ALG11: variants seen among roughly 807,000 people sequenced by gnomAD.
The protein encoded by ALG11 is ALG11 alpha-1,2-mannosyltransferase.
In ALG11, 26 loss-of-function variants were observed where a neutral mutation model predicts 38.8. The ratio of observed to expected loss-of-function variants is 0.67; its 90% CI spans 0.49 to 0.93. ALG11 has a LOEUF of 0.93. ALG11 is among the 40% of genes least tolerant of loss of function. The pLI is 0.00. For missense variants in ALG11, 535 were observed against 578.8 expected, an observed-to-expected ratio of 0.92 and a Z score of 0.78; for synonymous variants, 199 against 211.6, an observed-to-expected ratio of 0.94 and a Z score of 0.52.
intron 1 of ALG11, among the ~76,000 whole-genome samples, chr13:52,017,989 T>A (rs1699750502): frequency 6.6e-6 from 1 of 152,208 alleles, no homozygotes; most frequent in African/African-American, 2.4e-5. Context: ...CCTCCTCAAA[T>A]CCTTTATAAA....
At chr13:52,026,373 T>C (rs1468205291) in intron 3 of ALG11, among the ~76,000 whole-genome samples, 1 of 151,964 alleles carries the variant, frequency 6.6e-6, no homozygotes. Context: ...TGGAAAAAAA[T>C]AGCAGGATTT....
chr13:52,031,305 C>A lies in ALG11; in HGVS notation c.*2715C>A, dbSNP rs1197139640. ...TCAGACATTAGAACACAGAAAAATTCTAGTACATTTAAATTCTAAACAATA... is the reference window on the plus strand; with the variant it reads ...TCAGACATTAGAACACAGAAAAATTATAGTACATTTAAATTCTAAACAATA... On this transcript the variant is annotated 3_prime_UTR_variant, in exon 4 of 4. Transcript: ENST00000521508. 2.6e-6 allele frequency: 2 copies of A among 770,294 alleles called. No homozygotes were observed. The highest frequency in any genetic ancestry group is 4.0e-6 in the Non-Finnish European group (2 of 497,926). The allele number at this position is 770,294 out of a possible 1,614,324, so 47.7% of individuals were successfully genotyped here.
chr13:52,029,795 G>T lies in ALG11; in HGVS notation c.*1205G>T. On this transcript the variant is annotated 3_prime_UTR_variant, in exon 4 of 4. Coordinates refer to ENST00000521508, the MANE Select transcript of ALG11 (RefSeq NM_001004127.3). Reference sequence around the variant, plus strand: ...GCAGGAACAGTTGGCCAAGAACAAAGAACTGACACAGAAACTCCAGGTAGC... The same window carrying T: ...GCAGGAACAGTTGGCCAAGAACAAATAACTGACACAGAAACTCCAGGTAGC... The T allele has an allele frequency of 6.2e-7, 1 of 1,614,206 alleles. No homozygotes were observed. Among genetic ancestry groups the T allele is most frequent in the South Asian group, 1.1e-5 (1 of 91,088 alleles).
At position 52,019,062 on chromosome 13, in the gene ALG11, T is replaced by G. The variant is rs369089885; in HGVS notation, c.194T>G (p.Ile65Ser). 6.2e-7 allele frequency: 1 copy of G among 1,614,072 alleles called. No homozygotes were observed. The highest frequency in any genetic ancestry group is 8.5e-7 in the Non-Finnish European group (1 of 1,180,018). Reference sequence around the variant, plus strand: ...AAAAATGGGAAAAATCAAATGGTGATTGCATTTTTTCATCCATACTGCAAT... The same window carrying G: ...AAAAATGGGAAAAATCAAATGGTGAGTGCATTTTTTCATCCATACTGCAAT... ...TSKNGKNQMVIAFFHPYCNAG... is the reference protein window; with the variant it reads ...TSKNGKNQMVSAFFHPYCNAG... Residue 65 changes from isoleucine (I) to serine (S), a missense_variant, in exon 2 of 4, where the codon ATT becomes AGT. Ile to Ser is a moderately radical substitution (Grantham distance 142). Transcript: ENST00000521508.
chr13:52,024,978 T>A, intron 3 of ALG11, 41 bp downstream of exon 3: 1 of 1,564,686 alleles, frequency 6.4e-7, no homozygotes, highest in Non-Finnish European at 8.7e-7. Flanking sequence ...TGCCATGAGA[T>A]ACACATTTTA....
chr13:52,027,977 G>T (rs1954257865), intron 3 of ALG11, among the ~76,000 whole-genome samples: 1 of 151,942 alleles, frequency 6.6e-6, no homozygotes, highest in Admixed American at 6.6e-5. Flanking sequence ...AAAGCAGCAG[G>T]CTGGGTGTGG....
In ALG11 at chr13:52,030,999, A is replaced by T; in HGVS notation, c.*2409A>T. The T allele has an allele frequency of 3.1e-6, 5 of 1,614,160 alleles. No individual in the cohort carries two copies. The highest frequency in any genetic ancestry group is 2.5e-6 in the Non-Finnish European group (3 of 1,180,026). Reference sequence around the variant, plus strand: ...CCAGGCCATATCATTAAGCCCATAAAAGCAGAGGATGTGGGCTACCAGTCT... The same window carrying T: ...CCAGGCCATATCATTAAGCCCATAATAGCAGAGGATGTGGGCTACCAGTCT... On this transcript the variant is annotated 3_prime_UTR_variant, in exon 4 of 4. Coordinates refer to ENST00000521508, the MANE Select transcript of ALG11 (RefSeq NM_001004127.3).
At position 52,024,053 on chromosome 13, in the gene ALG11, A is replaced by G. The variant is rs17480245; in HGVS notation, c.323A>G (p.Asn108Ser). Residue 108 changes from asparagine (N) to serine (S), a missense_variant, in exon 3 of 4, where the codon AAC (asparagine) becomes AGC (serine). Physicochemically the swap from Asn to Ser is conservative, Grantham distance 46 (BLOSUM62 1). Coordinates refer to ENST00000521508, the MANE Select transcript of ALG11 (RefSeq NM_001004127.3). ...YVVYTGDVNV[N>S]GQQILEGAFR... Reference sequence around the variant, plus strand: ...GTTTATACCGGCGATGTTAATGTCAACGGTCAACAGATACTAGAAGGTGCT... The same window carrying G: ...GTTTATACCGGCGATGTTAATGTCAGCGGTCAACAGATACTAGAAGGTGCT... The G allele has an allele frequency of 0.014, 23,256 of 1,614,094 alleles. 673 individuals carry two copies. The highest frequency in any genetic ancestry group is 0.12 in the Admixed American group (7,138 of 60,004).
At chr13:52,022,652 A>C (rs1030683224) in intron 2 of ALG11, 2 of 151,062 alleles carry the variant, frequency 1.3e-5, no homozygotes, top group African/African-American at 2.4e-5. Context: ...TCTCATCTCC[A>C]TACCCCCAAA....
rs764290957 is a variant in ALG11 at position 52,028,603 on chromosome 13, A to G, written c.*13A>G. 1.9e-6 allele frequency: 3 copies of G among 1,609,632 alleles called. No individual in the cohort carries two copies. In the Admixed American group the frequency reaches 5.0e-5, roughly 27 times the overall value. On this transcript the variant is annotated 3_prime_UTR_variant, in exon 4 of 4. Coordinates refer to ENST00000521508, the MANE Select transcript of ALG11 (RefSeq NM_001004127.3). ...GTTATTTAAGTAATGCCATATCTGTAAAATTAAAGATATTTTATATAAACT... is the reference window on the plus strand; with the variant it reads ...GTTATTTAAGTAATGCCATATCTGTGAAATTAAAGATATTTTATATAAACT...
At position 52,032,992 on chromosome 13, in the gene ALG11, G is replaced by A. The variant is rs1954319911; in HGVS notation, c.*4402G>A. 1 of 166,982 alleles carries A rather than the reference G, an allele frequency of 6.0e-6. No individual in the cohort carries two copies. The highest frequency in any genetic ancestry group is 2.4e-5 in the African/African-American group (1 of 41,404). 10.3% of individuals were successfully genotyped at this position (166,982 alleles called of 1,614,324 possible). A position where few individuals can be genotyped will look rare whatever the true frequency, so the allele number is the denominator to read the frequency against. ...TCCACTCAATTGCCTTATTCCTGAG[G>A]ATGTAGTGAAGGAAGAAAAAGTTTT... On this transcript the variant is annotated 3_prime_UTR_variant, in exon 4 of 4. Coordinates refer to ENST00000521508, the MANE Select transcript of ALG11 (RefSeq NM_001004127.3).
Position 52,029,047 on chromosome 13 carries a change from A to C in ALG11, c.*457A>C. The C allele has an allele frequency of 6.2e-7, 1 of 1,614,264 alleles. No individual in the cohort carries two copies. Among genetic ancestry groups the C allele is most frequent in the Non-Finnish European group, 8.5e-7 (1 of 1,180,046 alleles). ...TCAGTGTCAGTTCTGAAGGATCAGG[A>C]GAAAAGCTGGGCCTTGCAGATCTGC... On this transcript the variant is annotated 3_prime_UTR_variant, in exon 4 of 4. Transcript: ENST00000521508.
At chr13:52,019,433 G>A (rs1050845380) in intron 2 of ALG11, among the ~76,000 whole-genome samples, 1 of 151,980 alleles carries the variant, frequency 6.6e-6, no homozygotes, top group African/African-American at 2.4e-5. Context: ...ATGTTAGCCA[G>A]GATGGTCTCG....
At chr13:52,019,676 C>G (rs1593900337) in intron 2 of ALG11, among the ~76,000 whole-genome samples, 1 of 152,178 alleles carries the variant, frequency 6.6e-6, no homozygotes, top group East Asian at 1.9e-4. Context: ...CATGGTGGCT[C>G]ACACCAGTAA....
rs1365474865 is a variant in ALG11, at chr13:52,030,688, T to G, written c.*2098T>G. The G allele has an allele frequency of 6.2e-7, 1 of 1,614,080 alleles. No homozygotes were observed. The highest frequency in any genetic ancestry group is 8.5e-7 in the Non-Finnish European group (1 of 1,180,026). Reference sequence around the variant, plus strand: ...CAAAGGACGTGGACCTGACACTACCTGGCTGGGGCGAGTGGGGTGGTGTGG... The same window carrying G: ...CAAAGGACGTGGACCTGACACTACCGGGCTGGGGCGAGTGGGGTGGTGTGG... On this transcript the variant is annotated 3_prime_UTR_variant, in exon 4 of 4. Transcript: ENST00000521508.
Position 52,029,441 on chromosome 13 carries a change from G to C in ALG11, c.*851G>C. On this transcript the variant is annotated 3_prime_UTR_variant, in exon 4 of 4. Transcript: ENST00000521508. Reference sequence around the variant, plus strand: ...TCCCATGGAAAAGGCCTCTCTCCAAGCCATGAGCCTGGAAGAGGCAAAGAT... The same window carrying C: ...TCCCATGGAAAAGGCCTCTCTCCAACCCATGAGCCTGGAAGAGGCAAAGAT... 3.1e-6 allele frequency: 5 copies of C among 1,614,202 alleles called. 1 individual carries two copies. The South Asian group carries it at 5.5e-5, about 18-fold the overall frequency.
Position 52,024,596 on chromosome 13 carries a change from A to G in ALG11, c.866A>G (p.Asp289Gly), listed in dbSNP as rs1256575549. 6.2e-7 allele frequency: 1 copy of G among 1,614,020 alleles called. No individual in the cohort carries two copies. The highest frequency in any genetic ancestry group is 2.2e-5 in the East Asian group (1 of 44,886). The change falls in exon 3 of 4, where the codon GAC becomes GGC. Residue 289 changes from aspartate to glycine, a missense_variant. Asp to Gly is a moderately conservative substitution (Grantham distance 94). Transcript: ENST00000521508. ...YPPCDVQTFLDIPLHEKKMTP... is the reference protein window; with the variant it reads ...YPPCDVQTFLGIPLHEKKMTP... ...CCTTGTGATGTGCAGACATTTCTGG[A>G]CATTCCCTTACATGAGAAAAAGATG... is the stretch of plus-strand genomic sequence containing the variant.
chr13:52,018,832 G>T, intron 1 of ALG11, 81 bp from the exon 2 acceptor site: 1 of 1,118,518 alleles, frequency 8.9e-7, no homozygotes, highest in Non-Finnish European at 1.3e-6. Context: ...ATATAAAGTA[G>T]ATATGTAAAA....
chr13:52,015,247 A>AT (rs1483215131), intron 1 of ALG11, among the ~76,000 whole-genome samples: 3 of 152,130 alleles, frequency 2.0e-5, no homozygotes, highest in Non-Finnish European at 2.9e-5. Flanking sequence ...TACAAAAAAC[A>AT]TTTTTTTAAT....
Sources: allele counts gnomAD v4.1 joint callset (sites outside exome capture counted in the v4.1 genomes callset), GRCh38; gene constraint gnomAD v4.1.1; transcripts MANE v1.5; gene names NCBI Gene and HGNC (gene_info 2026-07-23, HGNC 2026-07-21).